PHIP: variants seen among roughly 807,000 people sequenced by gnomAD.
The protein encoded by PHIP is PH-interacting protein.
In PHIP, 54 loss-of-function variants were observed where a neutral mutation model predicts 236.8. The observed-to-expected ratio is 0.23, with a 90% CI of 0.18 to 0.29. The LOEUF (loss-of-function observed/expected upper bound fraction) is 0.29, where lower values mean the gene tolerates loss of function less well. PHIP is among the 10% of genes least tolerant of loss of function. The pLI, the probability that PHIP is intolerant of heterozygous loss-of-function variation, is 1.00. For synonymous variants in PHIP, 756 were observed against 718.9 expected (o/e 1.05, Z -0.83); for missense variants, 1,370 against 2,190.8 (o/e 0.63, Z 7.48).
At position 78,961,914 on chromosome 6, in the gene PHIP, C is replaced by G. The variant is rs146934015; in HGVS notation, c.3536-104G>C. The G allele has an allele frequency of 1.7e-3, 1,349 of 794,250 alleles. 22 individuals are homozygous for G. The African/African-American group carries it at 0.021, about 12-fold the overall frequency. The allele number at this position is 794,250 out of a possible 1,614,324, so 49.2% of individuals were successfully genotyped here. The stretch of plus-strand genomic sequence containing the variant: ...CTTAAAAAGTCCTAATCTACATAAT[C>G]ATTAGTCTGCCACTGTCTTTTCATA... On this transcript the variant is annotated intron_variant, in intron 30 of 39. Transcript: ENST00000275034.
chr6:79,077,481 G>T lies in PHIP; in HGVS notation c.156C>A (p.Thr52=). ...GGTAGGTCCTGGGATGCTCCTTCCC[G>T]GTCCAGTCGGTGCGCCGGGGCAGCA... ...KELLPRRTDW[T]GKEHPRTYQN... is the part of the protein sequence containing the mutation. The change falls in exon 4 of 40, where the codon ACC becomes ACA. Residue 52 remains threonine, a synonymous_variant. Coordinates refer to ENST00000275034, the MANE Select transcript of PHIP (RefSeq NM_017934.7). 2 of 1,567,764 alleles carry T rather than the reference G, an allele frequency of 1.3e-6. No individual in the cohort carries two copies. The highest frequency in any genetic ancestry group is 8.6e-7 in the Non-Finnish European group (1 of 1,156,472).
At chr6:79,061,655 C>T (rs1431474796) in intron 4 of PHIP, among the ~76,000 whole-genome samples, 1 of 151,996 alleles carries the variant, frequency 6.6e-6, no homozygotes, top group African/African-American at 2.4e-5. Context: ...AATAGGTCTC[C>T]AATATGTTAA....
At position 78,935,802 on chromosome 6, in the gene PHIP, T is replaced by TA; in HGVS notation, c.*4890dup. 1 of 950,102 alleles carries TA rather than the reference T, an allele frequency of 1.1e-6. No homozygotes were observed. The highest frequency in any genetic ancestry group is 1.3e-6 in the Non-Finnish European group (1 of 797,718). The allele number at this position is 950,102 out of a possible 1,614,324, so 58.9% of individuals were successfully genotyped here. On this transcript the variant is annotated 3_prime_UTR_variant, in exon 40 of 40. Transcript: ENST00000275034. ...TAAGCAGCTTGTTGAGATTATGTAC[T>TA]AAGTGCTTTATGTGATGCCAAAAAA...
intron 4 of PHIP, among the ~76,000 whole-genome samples, chr6:79,062,862 C>T (rs1308439422): frequency 6.6e-6 from 1 of 152,204 alleles, no homozygotes; most frequent in Non-Finnish European, 1.5e-5. Flanking sequence ...ACCTCATTCT[C>T]CTTCATGTCT....
In PHIP at chr6:79,048,362, CAAAG is replaced by C. The variant is rs1266587830; in HGVS notation, c.440-5363_440-5360del. Among the ~76,000 whole-genome samples, 19 of 151,590 alleles carry C rather than the reference CAAAG, an allele frequency of 1.3e-4. No homozygotes were observed. The East Asian group carries it at 1.6e-3, about 12-fold the overall frequency. ...CACTACATCATTTGAACCAAGTTCA[CAAAG>C]AAAGAAAAAGGTAGCTGCCATAAAA... On this transcript the variant is annotated intron_variant, in intron 6 of 39. Transcript: ENST00000275034.
chr6:78,990,209 G>A (rs1485377761), intron 20 of PHIP, among the ~76,000 whole-genome samples: 1 of 152,030 alleles, frequency 6.6e-6, no homozygotes, highest in Non-Finnish European at 1.5e-5. Context: ...CTCAATTTCA[G>A]ACTCTAAGGC....
chr6:78,970,678 A>AT, intron 25 of PHIP, 103 bp downstream of exon 25: 1 of 707,714 alleles, frequency 1.4e-6, no homozygotes, highest in East Asian at 2.7e-5. Flanking sequence ...AGGTATCTTC[A>AT]TGATGCAGTT....
At chr6:79,053,719 T>C (rs1303486640) in intron 6 of PHIP, among the ~76,000 whole-genome samples, 1 of 152,168 alleles carries the variant, frequency 6.6e-6, no homozygotes, top group South Asian at 2.1e-4. Flanking sequence ...ATATCATAAT[T>C]TGCTTCACCT....
At chr6:79,052,474 A>T (rs1482315234) in intron 6 of PHIP, among the ~76,000 whole-genome samples, 1 of 152,210 alleles carries the variant, frequency 6.6e-6, no homozygotes. Context: ...TTTTGGACTA[A>T]ATTCCAGTAA....
At chr6:79,044,626 T>C (rs546992095) in intron 6 of PHIP, among the ~76,000 whole-genome samples, 13 of 152,274 alleles carry the variant, frequency 8.5e-5, no homozygotes, top group East Asian at 7.7e-4. Flanking sequence ...CACAAAAACA[T>C]TGATAGTATT....
intron 24 of PHIP, among the ~76,000 whole-genome samples, chr6:78,974,554 C>T (rs1334237479): frequency 2.6e-5 from 4 of 151,722 alleles, no homozygotes; most frequent in Non-Finnish European, 4.4e-5. Flanking sequence ...AATAGAGACA[C>T]AAAAAACCCT....
In PHIP at chr6:78,940,864, G is replaced by A. The variant is rs776169625; in HGVS notation, c.5295C>T (p.His1765=). The A allele has an allele frequency of 3.1e-6, 5 of 1,613,908 alleles. No homozygotes were observed. Among genetic ancestry groups the A allele is most frequent in the Non-Finnish European group, 4.2e-6 (5 of 1,179,882 alleles). The change falls in exon 40 of 40, where the codon CAC becomes CAT. Residue 1765 remains histidine, a synonymous_variant. Transcript: ENST00000275034. ...TTCGACCTTGATTTCTAGTTCTCAT[G>A]TGGGGTTCAGAGCCTTTGAGTTCTT... is the stretch of plus-strand genomic sequence containing the variant. ...EFEELKGSEP[H]MRTRNQGRRT... is the part of the protein sequence containing the mutation.
chr6:79,011,178 T>C (rs1770555854), intron 15 of PHIP, among the ~76,000 whole-genome samples: 1 of 151,940 alleles, frequency 6.6e-6, no homozygotes, highest in South Asian at 2.1e-4. Flanking sequence ...TACCCAACTA[T>C]TATAGTTTGG....
intron 15 of PHIP, among the ~76,000 whole-genome samples, chr6:79,014,053 A>C (rs976033316): frequency 8.0e-6 from 1 of 125,484 alleles, no homozygotes; most frequent in Non-Finnish European, 1.8e-5. Context: ...ACTGTTTTCT[A>C]GAAATAGAGG....
Position 78,935,510 on chromosome 6 carries a change from G to A in PHIP, c.*5183C>T, listed in dbSNP as rs879086022. ...TTTATGCAAAGTGTTCCACTGAAAT[G>A]TATCTCTTACGAAAGTATCTGAATA... On this transcript the variant is annotated 3_prime_UTR_variant, in exon 40 of 40. Transcript: ENST00000275034. 40 of 979,006 alleles carry A rather than the reference G, an allele frequency of 4.1e-5. No homozygotes were observed. The African/African-American group carries it at 5.8e-4, about 14-fold the overall frequency. 60.6% of individuals were successfully genotyped at this position (979,006 alleles called of 1,614,324 possible).
chr6:78,947,510 G>C, intron 36 of PHIP, 113 bp downstream of exon 36: 1 of 580,404 alleles, frequency 1.7e-6, no homozygotes, highest in Non-Finnish European at 3.0e-6. Context: ...ACAACATTAA[G>C]AATGTAACAG....
At chr6:78,945,633 T>C (rs1773771574) in intron 38 of PHIP, 136 bp from the exon 39 acceptor site, 1 of 655,502 alleles carries the variant, frequency 1.5e-6, no homozygotes, top group South Asian at 2.0e-5. Flanking sequence ...GGAAAGCTAC[T>C]TTCTAATAGG....
intron 24 of PHIP, among the ~76,000 whole-genome samples, chr6:78,978,217 A>C (rs1768254212): frequency 6.6e-6 from 1 of 152,120 alleles, no homozygotes; most frequent in South Asian, 2.1e-4. Context: ...TTTTTGAAAT[A>C]AAATTAAATG....
intron 39 of PHIP, among the ~76,000 whole-genome samples, chr6:78,941,919 T>C (rs1407620972): frequency 3.9e-5 from 6 of 152,138 alleles, no homozygotes; most frequent in Non-Finnish European, 7.4e-5. Flanking sequence ...GGCAATCAAA[T>C]TCTAAACCTG....
Sources: allele counts gnomAD v4.1 joint callset (sites outside exome capture counted in the v4.1 genomes callset), GRCh38; gene constraint gnomAD v4.1.1; transcripts MANE v1.5; gene names NCBI Gene and HGNC (gene_info 2026-07-23, HGNC 2026-07-21).